Variants in KDM2B observed in about 807,000 individuals in gnomAD.
KDM2B encodes the protein lysine demethylase 2B.
In KDM2B, 26 loss-of-function variants were observed where a neutral mutation model predicts 150.0. The ratio of observed to expected loss-of-function variants is 0.17; its 90% CI spans 0.13 to 0.24. The LOEUF is 0.24. Among genes scored for constraint, KDM2B ranks in the 10% least tolerant of loss-of-function variants. The pLI, the probability that KDM2B is intolerant of heterozygous loss-of-function variation, is 1.00. For synonymous variants in KDM2B, 734 were observed against 729.5 expected (o/e 1.01, Z -0.10); for missense variants, 1,265 against 1,816.9 (o/e 0.70, Z 5.52).
chr12:121,449,556 C>T (rs1450039867), intron 13 of KDM2B, among the ~76,000 whole-genome samples: 1 of 152,046 alleles, frequency 6.6e-6, no homozygotes, highest in East Asian at 1.9e-4. Flanking sequence ...AGATGGCACC[C>T]GAGACAGGTT....
At chr12:121,414,677 G>A in the KDM2B span, among the ~76,000 whole-genome samples, 3 of 151,846 alleles carry the variant, frequency 2.0e-5, no homozygotes, top group Non-Finnish European at 2.9e-5. Flanking sequence ...TCCTGTTGTT[G>A]TTGTTGTTTT....
intron 13 of KDM2B, among the ~76,000 whole-genome samples, chr12:121,450,560 C>G (rs1555291339): frequency 6.6e-6 from 1 of 151,928 alleles, no homozygotes; most frequent in African/African-American, 2.4e-5. Flanking sequence ...GGTGGGGACA[C>G]AGAGAAACAG....
At chr12:121,456,753 C>G (rs113513996) in intron 12 of KDM2B, among the ~76,000 whole-genome samples, 2,046 of 152,298 alleles carry the variant, frequency 0.013, 41 homozygotes, top group African/African-American at 0.046. Flanking sequence ...CTGCACCAAC[C>G]AAAGCACCTT....
intron 4 of KDM2B, among the ~76,000 whole-genome samples, chr12:121,552,801 G>A (rs1245620539): frequency 6.6e-6 from 1 of 152,174 alleles, no homozygotes; most frequent in Non-Finnish European, 1.5e-5. Flanking sequence ...AGATCCACCA[G>A]GGGGCATCCC....
Position 121,528,182 on chromosome 12 carries a change from C to G in KDM2B, c.931+4624G>C, listed in dbSNP as rs1555307145. Among the ~76,000 whole-genome samples, 2 of 152,238 alleles carry G rather than the reference C, an allele frequency of 1.3e-5. 1 individual carries two copies. The highest frequency in any genetic ancestry group is 2.9e-5 in the Non-Finnish European group (2 of 68,040). On this transcript the variant is annotated intron_variant, in intron 8 of 22. Coordinates refer to ENST00000377071, the MANE Select transcript of KDM2B (RefSeq NM_032590.5). ...CCTTTCTCCAGGTCATTCTACTCCT[C>G]AGTCACCTTCAACGGTCTTCCTCTT...
At chr12:121,443,336 C>A in intron 17 of KDM2B, 3 of 579,178 alleles carry the variant, frequency 5.2e-6, no homozygotes. Context: ...AGTTCTGGAG[C>A]ACAGCCCTGT....
chr12:121,522,610 G>A (rs1000579072), intron 8 of KDM2B, among the ~76,000 whole-genome samples: 1 of 152,086 alleles, frequency 6.6e-6, no homozygotes, highest in African/African-American at 2.4e-5. Context: ...CACTTTGGAA[G>A]ACCGAGGCGG....
At chr12:121,417,485 A>C in the KDM2B span, 3 of 1,593,518 alleles carry the variant, frequency 1.9e-6, no homozygotes, top group Non-Finnish European at 2.6e-6. This position sits in a 1 kb window ranked among gnomAD's most constrained non-coding sequence, Gnocchi z 5.0. Flanking sequence ...GCTGTCATCA[A>C]ATGCTTTTCT....
downstream of KDM2B, among the ~76,000 whole-genome samples, chr12:121,426,851 T>G (rs1262194715): frequency 3.9e-5 from 6 of 152,072 alleles, no homozygotes; most frequent in African/African-American, 1.4e-4. Flanking sequence ...CTCAAACTCC[T>G]GACCTCGGGT....
Position 121,466,567 on chromosome 12 carries a change from G to A in KDM2B, c.1735-13223C>T, listed in dbSNP as rs549767796. Among the ~76,000 whole-genome samples the A allele has an allele frequency of 6.6e-3, 1,005 of 151,740 alleles. 8 individuals are homozygous for A. The highest frequency in any genetic ancestry group is 0.023 in the African/African-American group (970 of 41,458). On this transcript the variant is annotated intron_variant, in intron 12 of 22. Coordinates refer to ENST00000377071, the MANE Select transcript of KDM2B (RefSeq NM_032590.5). ...GATTCGCCCGGGTTCCGGGTGGCCC[G>A]CGCCGGCCCGCGGCTCGCACCCCTT...
intron 9 of KDM2B, chr12:121,516,570 G>A (rs1485654955): frequency 2.0e-5 from 29 of 1,422,272 alleles, no homozygotes; most frequent in African/African-American, 8.7e-5. Context: ...TGACAGACTC[G>A]GAGCCTCACC....
chr12:121,558,587 G>A (rs941817027), intron 4 of KDM2B, among the ~76,000 whole-genome samples: 4 of 151,660 alleles, frequency 2.6e-5, no homozygotes, highest in Non-Finnish European at 5.9e-5. Context: ...CCAAGTAGCT[G>A]GGACTACAGG....
chr12:121,495,000 T>C (rs1156523149), intron 11 of KDM2B, among the ~76,000 whole-genome samples: 1 of 105,330 alleles, frequency 9.5e-6, no homozygotes, highest in Non-Finnish European at 1.9e-5. Flanking sequence ...AAACTTTTTC[T>C]TTTTTTTTTT....
intron 12 of KDM2B, among the ~76,000 whole-genome samples, chr12:121,488,062 C>G (rs1211121035): frequency 6.6e-6 from 1 of 152,120 alleles, no homozygotes; most frequent in Admixed American, 6.6e-5. Context: ...GGATTATAGG[C>G]GTGAGCCATC....
At chr12:121,524,117 G>C (rs1207203413) in intron 8 of KDM2B, among the ~76,000 whole-genome samples, 2 of 152,158 alleles carry the variant, frequency 1.3e-5, no homozygotes, top group Admixed American at 1.3e-4. Context: ...TGCACAGGCA[G>C]GTGCATCTTA....
chr12:121,520,862 A>C lies in KDM2B; in HGVS notation c.1047+123T>G, dbSNP rs1332650570. 3 of 389,280 alleles carry C rather than the reference A, an allele frequency of 7.7e-6. No homozygotes were observed. In the Admixed American group the frequency reaches 8.3e-5, roughly 11 times the overall value. The allele number at this position is 389,280 out of a possible 1,614,324, so 24.1% of individuals were successfully genotyped here. A position where few individuals can be genotyped will look rare whatever the true frequency, so the allele number is the denominator to read the frequency against. On this transcript the variant is annotated intron_variant, in intron 9 of 22. Coordinates refer to ENST00000377071, the MANE Select transcript of KDM2B (RefSeq NM_032590.5). The surrounding 1 kb of genome is among the most constrained non-coding windows in gnomAD (Gnocchi z 4.5). ...CAGAACCAGGACTGAAGCCAGCTTG[A>C]GAGAGGAATCGGGAGGGAGAGGGGA...
chr12:121,444,026 T>C lies in KDM2B; in HGVS notation c.2437A>G (p.Ser813Gly). 12 of 1,611,536 alleles carry C rather than the reference T, an allele frequency of 7.4e-6. No individual in the cohort carries two copies. The highest frequency in any genetic ancestry group is 1.0e-5 in the Non-Finnish European group (12 of 1,178,404). Reference sequence around the variant, plus strand: ...CTGGTCCGTACCCGCTTGCGTCCACTCAGCTCCTGGGGCTTCTCGTATTTC... The same window carrying C: ...CTGGTCCGTACCCGCTTGCGTCCACCCAGCTCCTGGGGCTTCTCGTATTTC... ...KRKYEKPQEL[S>G]GRKRASSLQT... Residue 813 changes from serine to glycine, a missense_variant, in exon 16 of 23, where the codon AGT becomes GGT. Coordinates refer to ENST00000377071, the MANE Select transcript of KDM2B (RefSeq NM_032590.5).
At chr12:121,473,361 C>T (rs750549570) in intron 12 of KDM2B, among the ~76,000 whole-genome samples, 5 of 147,360 alleles carry the variant, frequency 3.4e-5, no homozygotes, top group African/African-American at 5.0e-5. Context: ...CACTGCACTC[C>T]GCCTGGGTGA....
At chr12:121,523,268 GGGGA>G (rs537588944) in intron 8 of KDM2B, among the ~76,000 whole-genome samples, 187 of 152,348 alleles carry the variant, frequency 1.2e-3, no homozygotes, top group Non-Finnish European at 2.1e-3. Flanking sequence ...GAAATACAGA[GGGGA>G]GGCAAAAGGA....
Sources: gnomAD v4.1 joint callset for allele counts (sites outside exome capture counted in the v4.1 genomes callset) on GRCh38, gnomAD v4.1.1 for gene constraint, Gnocchi (gnomAD v3.1) non-coding constraint, MANE v1.5 for transcripts, NCBI Gene and HGNC (gene_info 2026-07-23, HGNC 2026-07-21) for gene names.